CLCC1: variants seen among roughly 807,000 people sequenced by gnomAD.
CLCC1 encodes the protein chloride channel CLIC-like protein 1.
In CLCC1, 39 loss-of-function variants were observed where a neutral mutation model predicts 63.3. The observed-to-expected ratio is 0.62, with a 90% confidence interval of 0.48 to 0.81. CLCC1 has a LOEUF of 0.81. CLCC1 is among the 30% of genes least tolerant of loss of function. CLCC1 has a pLI of 0.00. For synonymous variants in CLCC1, 217 were observed against 239.8 expected, an observed-to-expected ratio of 0.90 and a Z score of 0.88; for missense variants, 549 against 669.4, an observed-to-expected ratio of 0.82 and a Z score of 1.98.
chr1:108,948,439 A>T, intron 4 of CLCC1, among the ~76,000 whole-genome samples: 1 of 152,178 alleles, frequency 6.6e-6, no homozygotes, highest in African/African-American at 2.4e-5. Flanking sequence ...TAACTTTGTG[A>T]TCATCAACTT....
Position 108,934,706 on chromosome 1 carries a change from T to A in CLCC1, c.1620A>T (p.Pro540=), listed in dbSNP as rs1380014952. Residue 540 remains proline, a synonymous_variant, in exon 12 of 13, where the codon CCA becomes CCT. Transcript: ENST00000369969. ...GGCTGCTGACCGGATCCTGTCCACG[T>A]GGTCCAGCCACACCTCTTGCGGGGC... ...TYSPARGVAG[P]RGQDPVSSPC... 5.0e-6 allele frequency: 8 copies of A among 1,613,804 alleles called. No individual in the cohort carries two copies. The highest frequency in any genetic ancestry group is 6.8e-6 in the Non-Finnish European group (8 of 1,180,042).
chr1:108,933,209 C>T (rs59628969), intron 12 of CLCC1: 71 of 3,220 alleles, frequency 0.022, no homozygotes, highest in Middle Eastern at 0.17. Flanking sequence ...AATGTGTATT[C>T]TGCATTTCAA....
intron 2 of CLCC1, among the ~76,000 whole-genome samples, chr1:108,954,397 G>A (rs1268552046): frequency 2.0e-5 from 3 of 151,104 alleles, no homozygotes; most frequent in African/African-American, 7.4e-5. Context: ...TTGGGAGGCT[G>A]AGGCAGGAGA....
At chr1:108,949,365 G>C (rs994419330) in intron 4 of CLCC1, among the ~76,000 whole-genome samples, 1 of 152,088 alleles carries the variant, frequency 6.6e-6, no homozygotes, top group Non-Finnish European at 1.5e-5. Flanking sequence ...TTTTTTAAGA[G>C]GATTGGATAA....
At chr1:108,940,943 T>C (rs374991040) in intron 8 of CLCC1, among the ~76,000 whole-genome samples, 2 of 152,142 alleles carry the variant, frequency 1.3e-5, no homozygotes, top group African/African-American at 4.8e-5. Context: ...AGAATGTTTA[T>C]AAAATGTGAA....
At chr1:108,949,146 T>C (rs1237456256) in intron 4 of CLCC1, among the ~76,000 whole-genome samples, 1 of 152,190 alleles carries the variant, frequency 6.6e-6, no homozygotes, top group East Asian at 1.9e-4. Context: ...CACTGCCTCA[T>C]TTCAGACCTT....
chr1:108,946,605 A>T (rs550232002), intron 5 of CLCC1, among the ~76,000 whole-genome samples: 155 of 152,244 alleles, frequency 1.0e-3, no homozygotes, highest in African/African-American at 3.4e-3. Flanking sequence ...ATTTTCAGGG[A>T]TCTGCCTGTA....
intron 2 of CLCC1, among the ~76,000 whole-genome samples, chr1:108,955,835 C>T (rs1643170458): frequency 6.6e-6 from 1 of 151,560 alleles, no homozygotes; most frequent in Non-Finnish European, 1.5e-5. Flanking sequence ...CAGACTTAAA[C>T]CAGCAGCCCC....
intron 2 of CLCC1, among the ~76,000 whole-genome samples, chr1:108,952,349 T>C (rs1655298873): frequency 6.6e-6 from 1 of 152,156 alleles, no homozygotes; most frequent in South Asian, 2.1e-4. Flanking sequence ...TGGCTAATTT[T>C]GTATTTTTAG....
At chr1:108,941,944 T>C (rs914128289) in intron 7 of CLCC1, among the ~76,000 whole-genome samples, 2 of 152,192 alleles carry the variant, frequency 1.3e-5, no homozygotes, top group Non-Finnish European at 2.9e-5. Context: ...AAACATATTA[T>C]TTGTAAAGAG....
At chr1:108,936,987 G>A in intron 11 of CLCC1, 90 bp downstream of exon 11, 1 of 884,720 alleles carries the variant, frequency 1.1e-6, no homozygotes. Context: ...TAAGGGTGAG[G>A]GGTAAAAGAG....
intron 7 of CLCC1, 53 bp from the exon 8 acceptor site, chr1:108,941,551 C>T: frequency 7.4e-7 from 1 of 1,349,286 alleles, no homozygotes. Flanking sequence ...GAAGGTTAGG[C>T]CTACACATCC....
In CLCC1 at chr1:108,937,108, T is replaced by C; in HGVS notation, c.1352A>G (p.Glu451Gly). The change falls in exon 11 of 13, where the codon GAG (glutamate) becomes GGG (glycine). Residue 451 changes from glutamate (E) to glycine (G), a missense_variant. Coordinates refer to ENST00000369969, the MANE Select transcript of CLCC1 (RefSeq NM_001377458.1). ...VLRAFDVPDA[E>G]AREHPTVVPS... Reference sequence around the variant, plus strand: ...TACCACCGTGGGATGCTCTCGTGCCTCTGCGTCTGGTACATCAAATGCCCG... The same window carrying C: ...TACCACCGTGGGATGCTCTCGTGCCCCTGCGTCTGGTACATCAAATGCCCG... The C allele has an allele frequency of 1.3e-6, 2 of 1,519,928 alleles. No individual in the cohort carries two copies. The highest frequency in any genetic ancestry group is 2.7e-5 in the South Asian group (2 of 74,702). 94.2% of individuals were successfully genotyped at this position (1,519,928 alleles called of 1,614,324 possible). A position where few individuals can be genotyped will look rare whatever the true frequency, so the allele number is the denominator to read the frequency against.
chr1:108,939,309 A>AT lies in CLCC1; in HGVS notation c.1041+326dup, dbSNP rs1162492145. On this transcript the variant is annotated intron_variant, in intron 10 of 12. Transcript: ENST00000369969. ...ATATATAAATATACATATATGTATA[A>AT]TTTTTTTTTTTTTTTGAGACGGAAT... 1.5e-3 allele frequency among the ~76,000 whole-genome samples: 212 copies of AT among 139,776 alleles called. 2 individuals carry two copies. Among genetic ancestry groups the AT allele is most frequent in the African/African-American group, 2.2e-3 (86 of 38,432 alleles). 91.7% of individuals were successfully genotyped at this position (139,776 alleles called of 152,430 possible). A position where few individuals can be genotyped will look rare whatever the true frequency, so the allele number is the denominator to read the frequency against.
Position 108,930,512 on chromosome 1 carries a change from C to G in CLCC1, c.*2035G>C, listed in dbSNP as rs1651760865. 6.6e-6 allele frequency: 1 copy of G among 152,030 alleles called. No individual in the cohort carries two copies. Among genetic ancestry groups the G allele is most frequent in the African/African-American group, 2.4e-5 (1 of 40,994 alleles). The allele number at this position is 152,030 out of a possible 1,614,324, so 9.4% of individuals were successfully genotyped here. ...GTGGCTCATTCCTGTAATCCCAGCA[C>G]ATTGGGAGGCTGAGGCAGGAGGATC... On this transcript the variant is annotated 3_prime_UTR_variant, in exon 13 of 13. Transcript: ENST00000369969.
chr1:108,945,808 T>C (rs900593241), intron 5 of CLCC1, among the ~76,000 whole-genome samples: 1 of 152,226 alleles, frequency 6.6e-6, no homozygotes, highest in African/African-American at 2.4e-5. Context: ...GCAAAATCAC[T>C]AAACAAATTT....
At chr1:108,936,310 T>A (rs1458728568) in intron 11 of CLCC1, among the ~76,000 whole-genome samples, 1 of 152,166 alleles carries the variant, frequency 6.6e-6, no homozygotes, top group Non-Finnish European at 1.5e-5. Context: ...TTGGCCAGGC[T>A]GGTCTTGAAC....
chr1:108,953,166 A>G (rs1655427974), intron 2 of CLCC1, among the ~76,000 whole-genome samples: 1 of 152,234 alleles, frequency 6.6e-6, no homozygotes, highest in Non-Finnish European at 1.5e-5. Context: ...CCAAGATGAC[A>G]AAGCCCTGGG....
chr1:108,946,028 G>A (rs999132263), intron 5 of CLCC1, among the ~76,000 whole-genome samples: 4 of 152,106 alleles, frequency 2.6e-5, no homozygotes, highest in African/African-American at 9.7e-5. Context: ...AGCCAGACGT[G>A]GCCGGGCGCG....
Sources: allele counts gnomAD v4.1 joint callset (sites outside exome capture counted in the v4.1 genomes callset), GRCh38; gene constraint gnomAD v4.1.1; transcripts MANE v1.5; gene names NCBI Gene and HGNC (gene_info 2026-07-23, HGNC 2026-07-21).